SYTL5: variants seen among roughly 807,000 people sequenced by gnomAD.
The protein encoded by SYTL5 is synaptotagmin-like protein 5.
Under a neutral mutation model 55.9 loss-of-function variants are expected in SYTL5, and 34 were observed. That is an observed-to-expected ratio of 0.61 (90% CI 0.46 to 0.81). The LOEUF is 0.81. Ranked by LOEUF, SYTL5 falls within the 30% of genes least tolerant of loss-of-function variation. The probability of loss-of-function intolerance (pLI) is 0.00; values close to 1 mark genes in which losing one functional copy is unlikely to be tolerated. For synonymous variants in SYTL5, 221 were observed against 188.7 expected (o/e 1.17, Z -1.40); for missense variants, 637 against 546.7 (o/e 1.17, Z -1.65).
intron 3 of SYTL5, among the ~76,000 whole-genome samples, chrX:38,070,895 C>A (rs1936243687): frequency 9.0e-6 from 1 of 111,659 alleles, no homozygotes; most frequent in African/African-American, 3.3e-5. Context: ...AGGTTGAATT[C>A]CAGGTATTCT....
chrX:37,906,378 T>G, the SYTL5 span: 7 of 112,310 alleles, frequency 6.2e-5, no homozygotes, highest in African/African-American at 2.3e-4. Flanking sequence ...CATGTCCGAA[T>G]GCGGCGTTTA....
the SYTL5 span, among the ~76,000 whole-genome samples, chrX:37,998,028 G>T: frequency 8.9e-6 from 1 of 112,207 alleles, no homozygotes; most frequent in Non-Finnish European, 1.9e-5. Context: ...CCTGCCTACA[G>T]AGAGGAGCTT....
chrX:37,895,441 C>CTTCCTTCT, the SYTL5 span, among the ~76,000 whole-genome samples: 3 of 91,479 alleles, frequency 3.3e-5, no homozygotes, highest in Non-Finnish European at 4.0e-5. Context: ...TCCTTCCTTC[C>CTTCCTTCT]TTCCTTCCTT....
chrX:38,062,732 A>G (rs770034941), intron 3 of SYTL5, among the ~76,000 whole-genome samples: 14 of 111,884 alleles, frequency 1.3e-4, no homozygotes, highest in Non-Finnish European at 2.4e-4. Context: ...TTCTACAACA[A>G]TAATAAAGTA....
chrX:38,058,102 T>C (rs1935841367), intron 3 of SYTL5, among the ~76,000 whole-genome samples: 1 of 111,542 alleles, frequency 9.0e-6, no homozygotes, highest in Non-Finnish European at 1.9e-5. Context: ...TTTAAACTTA[T>C]AATCCACCTG....
chrX:37,924,191 G>T, the SYTL5 span, among the ~76,000 whole-genome samples: 1 of 111,498 alleles, frequency 9.0e-6, no homozygotes, highest in Non-Finnish European at 1.9e-5. Flanking sequence ...TCTCTGACTG[G>T]CACTTTCCAG....
intron 5 of SYTL5, among the ~76,000 whole-genome samples, 179 bp from the exon 6 acceptor site, chrX:38,076,388 A>G (rs1936390797): frequency 8.9e-6 from 1 of 111,753 alleles, no homozygotes; most frequent in Non-Finnish European, 1.9e-5. Context: ...AACCTTCCCC[A>G]TTATCACCCT....
At chrX:38,000,948 G>A in the SYTL5 span, among the ~76,000 whole-genome samples, 1 of 111,604 alleles carries the variant, frequency 9.0e-6, no homozygotes, top group African/African-American at 3.3e-5. Flanking sequence ...CTCTGCCAGC[G>A]TGCTCCTCTT....
chrX:38,072,601 T>C (rs975877340), intron 4 of SYTL5, among the ~76,000 whole-genome samples: 1 of 112,013 alleles, frequency 8.9e-6, no homozygotes, highest in Admixed American at 9.5e-5. Flanking sequence ...TGATAATATG[T>C]ACCTTGTCTC....
the SYTL5 span, among the ~76,000 whole-genome samples, chrX:37,925,371 C>A: frequency 1.4e-4 from 15 of 111,055 alleles, no homozygotes; most frequent in African/African-American, 4.9e-4. Flanking sequence ...TTTTGATATA[C>A]AGATTTCCTT....
chrX:37,911,473 C>G, the SYTL5 span, among the ~76,000 whole-genome samples: 1 of 111,672 alleles, frequency 9.0e-6, no homozygotes, highest in Non-Finnish European at 1.9e-5. Flanking sequence ...GCAGCTTGCT[C>G]TTCTAGAAGC....
chrX:38,114,049 C>G (rs972179552), intron 13 of SYTL5, among the ~76,000 whole-genome samples: 9 of 111,157 alleles, frequency 8.1e-5, no homozygotes, highest in Admixed American at 2.9e-4. Flanking sequence ...CTTTTGGTCC[C>G]CCTTCCCCAG....
At chrX:38,065,927 C>T (rs1407670120) in intron 3 of SYTL5, among the ~76,000 whole-genome samples, 2 of 110,738 alleles carry the variant, frequency 1.8e-5, no homozygotes, top group Non-Finnish European at 3.8e-5. Flanking sequence ...TGGTGAAAAC[C>T]CATCTCTATT....
At chrX:38,010,505 C>T (rs1188606429) in intron 1 of SYTL5, among the ~76,000 whole-genome samples, 2 of 112,300 alleles carry the variant, frequency 1.8e-5, no homozygotes, top group East Asian at 5.6e-4. Flanking sequence ...ATGGGGATAA[C>T]AGTCTTTCAG....
chrX:38,009,084 C>A (rs1272919916), intron 1 of SYTL5, among the ~76,000 whole-genome samples: 3 of 112,032 alleles, frequency 2.7e-5, no homozygotes, highest in African/African-American at 9.7e-5. Context: ...TTTTCTCTTT[C>A]CTTCTTGTCC....
the SYTL5 span, among the ~76,000 whole-genome samples, chrX:37,923,517 T>C: frequency 9.0e-6 from 1 of 110,638 alleles, no homozygotes; most frequent in Non-Finnish European, 1.9e-5. Context: ...ATAACAAATA[T>C]AAACTTTATA....
the SYTL5 span, among the ~76,000 whole-genome samples, chrX:37,900,391 G>A: frequency 8.9e-6 from 1 of 112,219 alleles, no homozygotes; most frequent in African/African-American, 3.2e-5. Flanking sequence ...ATGTCAGATA[G>A]TGATAAGGAC....
the SYTL5 span, chrX:37,949,367 C>T: frequency 8.9e-6 from 1 of 112,153 alleles, no homozygotes; most frequent in Non-Finnish European, 1.9e-5. Flanking sequence ...CTATGTCCTT[C>T]ATGACATGGG....
At chrX:38,101,235 G>A (rs771308900) in intron 9 of SYTL5, among the ~76,000 whole-genome samples, 2 of 111,168 alleles carry the variant, frequency 1.8e-5, no homozygotes, top group African/African-American at 6.5e-5. Context: ...AATTATTCCC[G>A]AGGGGAGAAG....
Sources: allele counts gnomAD v4.1 joint callset (sites outside exome capture counted in the v4.1 genomes callset), GRCh38; gene constraint gnomAD v4.1.1; transcripts MANE v1.5; gene names NCBI Gene and HGNC (gene_info 2026-07-23, HGNC 2026-07-21).